Variants in KIF18A observed in about 807,000 individuals in gnomAD.
KIF18A encodes kinesin family member 18A.
KIF18A carries 67 observed loss-of-function variants against 103.3 expected under a neutral mutation model. The ratio of observed to expected loss-of-function variants is 0.65; its 90% confidence interval spans 0.53 to 0.79. KIF18A has a LOEUF of 0.79. KIF18A is among the 30% of genes least tolerant of loss of function. KIF18A has a pLI of 0.00. For synonymous variants in KIF18A, 367 were observed against 355.5 expected (o/e 1.03, Z -0.36); for missense variants, 1,032 against 1,062.5 (o/e 0.97, Z 0.40).
intron 15 of KIF18A, among the ~76,000 whole-genome samples, chr11:28,031,646 G>A (rs888099575): frequency 6.7e-6 from 1 of 148,210 alleles, no homozygotes; most frequent in African/African-American, 2.5e-5. Context: ...AAACCTGCAC[G>A]TTATGCACAT....
intron 10 of KIF18A, among the ~76,000 whole-genome samples, chr11:28,070,921 C>G (rs1240485082): frequency 3.3e-5 from 5 of 152,190 alleles, no homozygotes; most frequent in African/African-American, 9.6e-5. Context: ...GTGGCATGTG[C>G]CTGTAGTTCC....
In KIF18A at chr11:28,044,060, G is replaced by A. The variant is rs1022641506; in HGVS notation, c.1949-7396C>T. On this transcript the variant is annotated intron_variant, in intron 13 of 16. Coordinates refer to ENST00000263181, the MANE Select transcript of KIF18A (RefSeq NM_031217.4). ...GTGGAGTTAAAACAGGAGAATTCTT[G>A]GAAGTCTGTATAAGGAAGTTGGATT... Among the ~76,000 whole-genome samples, 3 of 151,806 alleles carry A rather than the reference G, an allele frequency of 2.0e-5. No homozygotes were observed. The Admixed American group carries it at 2.0e-4, about 10-fold the overall frequency.
At chr11:28,083,384 G>C in intron 7 of KIF18A, 141 bp from the exon 8 acceptor site, 1 of 901,044 alleles carries the variant, frequency 1.1e-6, no homozygotes, top group Non-Finnish European at 1.5e-6. Flanking sequence ...TAAAATCTAT[G>C]ACAAGAGGAT....
intron 15 of KIF18A, among the ~76,000 whole-genome samples, chr11:28,027,971 A>T (rs1467991428): frequency 6.6e-6 from 1 of 152,044 alleles, no homozygotes; most frequent in East Asian, 1.9e-4. Flanking sequence ...AACTGAATCC[A>T]ATAACAAACC....
intron 13 of KIF18A, among the ~76,000 whole-genome samples, chr11:28,058,713 A>G (rs1850817672): frequency 6.9e-6 from 1 of 144,714 alleles, no homozygotes; most frequent in South Asian, 2.3e-4. Flanking sequence ...TTGTAAAATG[A>G]ATTTTACTGC....
At chr11:28,022,709 A>G (rs958041937) in intron 16 of KIF18A, among the ~76,000 whole-genome samples, 2 of 152,194 alleles carry the variant, frequency 1.3e-5, no homozygotes, top group Non-Finnish European at 2.9e-5. Context: ...AACATGTCAA[A>G]CCAAATGATC....
chr11:28,035,493 G>C lies in KIF18A; in HGVS notation c.2398C>G (p.Leu800Val), dbSNP rs775908694. The change falls in exon 15 of 17, where the codon CTT (leucine) becomes GTT (valine). Residue 800 changes from leucine (L) to valine (V), a missense_variant and splice_region_variant. Physicochemically the swap from Leu to Val is conservative, Grantham distance 32. Coordinates refer to ENST00000263181, the MANE Select transcript of KIF18A (RefSeq NM_031217.4). ...TTAGTTGAGAATGAAGAAGGATCAA[G>C]CCTGTATATTAATAGTGACAAATAA... ...PNDNKDILQR[L>V]DPSSFSTKHS... 1.9e-6 allele frequency: 3 copies of C among 1,554,490 alleles called. No individual in the cohort carries two copies. Among genetic ancestry groups the C allele is most frequent in the African/African-American group, 2.7e-5 (2 of 73,052 alleles).
intron 13 of KIF18A, among the ~76,000 whole-genome samples, chr11:28,056,094 T>G (rs997510461): frequency 4.0e-5 from 6 of 151,878 alleles, no homozygotes; most frequent in Non-Finnish European, 7.4e-5. Flanking sequence ...TAAATAGTTA[T>G]GATGCATTGT....
Position 28,082,962 on chromosome 11 carries a change from A to C in KIF18A, c.1156T>G (p.Leu386Val). ...ICNEQKAEIL[L>V]LKEKLKAYEE... is the part of the protein sequence containing the mutation. The stretch of plus-strand genomic sequence containing the variant: ...TAGGCTTTTAGTTTTTCTTTTAACA[A>C]TAAAATCTAGTAGAGAGAAATCACT... Residue 386 changes from leucine to valine, a missense_variant, in exon 9 of 17, where the codon TTG (leucine) becomes GTG (valine). Coordinates refer to ENST00000263181, the MANE Select transcript of KIF18A (RefSeq NM_031217.4). The C allele has an allele frequency of 6.4e-7, 1 of 1,569,952 alleles. No homozygotes were observed. Among genetic ancestry groups the C allele is most frequent in the Non-Finnish European group, 8.7e-7 (1 of 1,152,124 alleles).
At chr11:28,075,170 C>T (rs533026908) in intron 10 of KIF18A, among the ~76,000 whole-genome samples, 71 of 152,220 alleles carry the variant, frequency 4.7e-4, no homozygotes, top group African/African-American at 1.6e-3. Context: ...TACATGAAGT[C>T]TATCCTTTAT....
intron 11 of KIF18A, among the ~76,000 whole-genome samples, chr11:28,068,129 G>A (rs1850961516): frequency 6.6e-6 from 1 of 152,148 alleles, no homozygotes; most frequent in Non-Finnish European, 1.5e-5. Flanking sequence ...CAGGGACATG[G>A]ATGAAGCTGG....
Position 28,036,619 on chromosome 11 carries a change from T to C in KIF18A, c.1994A>G (p.Lys665Arg). The C allele has an allele frequency of 6.2e-7, 1 of 1,610,182 alleles. No homozygotes were observed. Among genetic ancestry groups the C allele is most frequent in the Non-Finnish European group, 8.5e-7 (1 of 1,177,720 alleles). The change falls in exon 14 of 17, where the codon AAA becomes AGA. Residue 665 changes from lysine to arginine, a missense_variant. Coordinates refer to ENST00000263181, the MANE Select transcript of KIF18A (RefSeq NM_031217.4). ...GTNLVKIPTE[K>R]RTRRKLMPSP... The stretch of plus-strand genomic sequence containing the variant: ...TGGCATTAGTTTTCTCCGAGTTCTT[T>C]TTTCTGTAGGAATCTTAACCAGATT...
chr11:28,044,293 G>A (rs1322559299), intron 13 of KIF18A, among the ~76,000 whole-genome samples: 2 of 151,826 alleles, frequency 1.3e-5, no homozygotes, highest in East Asian at 3.9e-4. Context: ...TGGTAGCCAG[G>A]CCCATATACC....
chr11:28,066,409 T>A (rs1023474994), intron 11 of KIF18A, among the ~76,000 whole-genome samples: 2 of 152,144 alleles, frequency 1.3e-5, no homozygotes, highest in South Asian at 4.2e-4. Context: ...ATAGAGCCTG[T>A]TGCATTCTAT....
At chr11:28,093,788 C>G (rs935679624) in intron 3 of KIF18A, among the ~76,000 whole-genome samples, 2 of 152,180 alleles carry the variant, frequency 1.3e-5, no homozygotes, top group Non-Finnish European at 2.9e-5. Flanking sequence ...AAATCACCAT[C>G]ATCTACCATC....
chr11:28,091,185 C>CATAT (rs1851298990), intron 4 of KIF18A, among the ~76,000 whole-genome samples: 1 of 151,276 alleles, frequency 6.6e-6, no homozygotes, highest in Non-Finnish European at 1.5e-5. Flanking sequence ...TACATACATA[C>CATAT]GTAGATTAAA....
At chr11:28,068,172 C>G (rs1850961944) in intron 11 of KIF18A, among the ~76,000 whole-genome samples, 2 of 152,000 alleles carry the variant, frequency 1.3e-5, no homozygotes, top group Admixed American at 1.3e-4. Context: ...AACACAGGAA[C>G]AGAAAACTAA....
chr11:28,048,562 A>C (rs1363207393), intron 13 of KIF18A, among the ~76,000 whole-genome samples: 1 of 152,102 alleles, frequency 6.6e-6, no homozygotes, highest in Non-Finnish European at 1.5e-5. Flanking sequence ...CTTAGAAAAA[A>C]AGTTCAGTAG....
chr11:28,077,255 G>A (rs1851105966), intron 9 of KIF18A, 86 bp from the exon 10 acceptor site: 8 of 874,624 alleles, frequency 9.1e-6, no homozygotes, highest in South Asian at 8.7e-5. Flanking sequence ...CATAAACAAA[G>A]GAATATATGT....
Sources: gnomAD v4.1 joint callset for allele counts (sites outside exome capture counted in the v4.1 genomes callset) on GRCh38, gnomAD v4.1.1 for gene constraint, MANE v1.5 for transcripts, NCBI Gene and HGNC (gene_info 2026-07-23, HGNC 2026-07-21) for gene names.